SPOPL: variants seen among roughly 807,000 people sequenced by gnomAD.
The protein encoded by SPOPL is speckle type BTB/POZ protein like.
SPOPL carries 23 observed loss-of-function variants against 53.8 expected under a neutral mutation model. That is an observed-to-expected ratio of 0.43 (90% CI 0.31 to 0.61). The LOEUF (loss-of-function observed/expected upper bound fraction) is 0.61, where lower values mean the gene tolerates loss of function less well. Ranked by LOEUF, SPOPL falls within the 20% of genes least tolerant of loss-of-function variation. The pLI, the probability that SPOPL is intolerant of heterozygous loss-of-function variation, is 0.12. For synonymous variants in SPOPL, 164 were observed against 149.7 expected, an observed-to-expected ratio of 1.10 and a Z score of -0.70; for missense variants, 442 against 466.9, an observed-to-expected ratio of 0.95 and a Z score of 0.49.
intron 1 of SPOPL, among the ~76,000 whole-genome samples, chr2:138,505,621 AATAGT>A (rs1684200634): frequency 7.6e-6 from 1 of 131,262 alleles, no homozygotes; most frequent in Admixed American, 7.5e-5. Context: ...AAAAAAAAAA[AATAGT>A]TAGTTGGGTG....
chr2:138,563,912 A>G (rs1305425592), intron 8 of SPOPL, among the ~76,000 whole-genome samples: 1 of 152,232 alleles, frequency 6.6e-6, no homozygotes, highest in East Asian at 1.9e-4. Context: ...TTGTATATCT[A>G]TGTATGATGG....
Position 138,569,049 on chromosome 2 carries a change from G to A in SPOPL, c.1148G>A (p.Gly383Asp). Residue 383 changes from glycine to aspartate, a missense_variant, in exon 11 of 11, where the codon GGC becomes GAC. By Grantham distance (94) the Gly-to-Asp change is moderately conservative. Coordinates refer to ENST00000280098, the MANE Select transcript of SPOPL (RefSeq NM_001001664.3). ...ALASAQCPQF[G>D]IPRKRLKQS Reference sequence around the variant, plus strand: ...GCATCTGCACAGTGTCCACAGTTTGGCATTCCACGCAAACGGCTAAAACAG... The same window carrying A: ...GCATCTGCACAGTGTCCACAGTTTGACATTCCACGCAAACGGCTAAAACAG... 6.2e-7 allele frequency: 1 copy of A among 1,613,658 alleles called. No individual in the cohort carries two copies. The highest frequency in any genetic ancestry group is 8.5e-7 in the Non-Finnish European group (1 of 1,179,856).
chr2:138,552,542 G>GT lies in SPOPL; in HGVS notation c.353-8dup. The GT allele has an allele frequency of 6.2e-7, 1 of 1,601,120 alleles. No individual in the cohort carries two copies. Among genetic ancestry groups the GT allele is most frequent in the Admixed American group, 1.8e-5 (1 of 56,630 alleles). ...ATTTATTTTATTTAAACTCTATTCT[G>GT]TTTTCCACCAGAAAGCCAAAGAGCA... On this transcript the variant is annotated splice_polypyrimidine_tract_variant and intron_variant, in intron 4 of 10. Coordinates refer to ENST00000280098, the MANE Select transcript of SPOPL (RefSeq NM_001001664.3).
chr2:138,507,926 A>G (rs1684249220), intron 1 of SPOPL, among the ~76,000 whole-genome samples: 1 of 152,226 alleles, frequency 6.6e-6, no homozygotes, highest in African/African-American at 2.4e-5. Flanking sequence ...GATAGCATAA[A>G]TATTTTAGTT....
chr2:138,536,223 G>A (rs893232431), intron 1 of SPOPL, among the ~76,000 whole-genome samples: 1 of 151,990 alleles, frequency 6.6e-6, no homozygotes, highest in Non-Finnish European at 1.5e-5. Context: ...ATTCAAAGCT[G>A]GATATTTTAT....
rs2104910269 is a variant in SPOPL, at chr2:138,569,009, G to A, written c.1108G>A (p.Ala370Thr). 2 of 1,614,094 alleles carry A rather than the reference G, an allele frequency of 1.2e-6. No individual in the cohort carries two copies. The highest frequency in any genetic ancestry group is 2.2e-5 in the East Asian group (1 of 44,886). The change falls in exon 11 of 11, where the codon GCC becomes ACC. Residue 370 changes from alanine (A) to threonine (T), a missense_variant. Physicochemically the swap from Ala to Thr is moderately conservative, Grantham distance 58 (BLOSUM62 0). Coordinates refer to ENST00000280098, the MANE Select transcript of SPOPL (RefSeq NM_001001664.3). ...GTCTCACCCTCATTTAGTAGCAGAA[G>A]CCTTTCGAGCACTAGCATCTGCACA... ...IQSHPHLVAEAFRALASAQCP... is the reference protein window; with the variant it reads ...IQSHPHLVAETFRALASAQCP...
chr2:138,527,049 C>CT (rs1279305237), intron 1 of SPOPL, among the ~76,000 whole-genome samples: 1 of 151,430 alleles, frequency 6.6e-6, no homozygotes, highest in African/African-American at 2.4e-5. Flanking sequence ...CTAAGTTCAG[C>CT]TTTTTTTTTC....
At chr2:138,568,572 G>A (rs140996999) in intron 10 of SPOPL, among the ~76,000 whole-genome samples, 22 of 152,122 alleles carry the variant, frequency 1.4e-4, no homozygotes, top group Admixed American at 6.6e-4. Context: ...GCATGTTAAG[G>A]GGGGAGAGTA....
At chr2:138,512,321 G>A (rs946631313) in intron 1 of SPOPL, among the ~76,000 whole-genome samples, 3 of 152,094 alleles carry the variant, frequency 2.0e-5, no homozygotes, top group South Asian at 4.2e-4. Context: ...TTTCATCTCT[G>A]TTATGACATA....
At chr2:138,548,530 A>G (rs2104889822) in intron 1 of SPOPL, among the ~76,000 whole-genome samples, 1 of 151,820 alleles carries the variant, frequency 6.6e-6, no homozygotes, top group African/African-American at 2.4e-5. Flanking sequence ...CTCCTCTTAC[A>G]CTCTCACTCA....
chr2:138,544,123 T>G (rs907042126), intron 1 of SPOPL, among the ~76,000 whole-genome samples: 2 of 152,210 alleles, frequency 1.3e-5, no homozygotes, highest in South Asian at 4.1e-4. Flanking sequence ...CCCGGCCTTG[T>G]GAGGTGTCAG....
chr2:138,536,662 G>T (rs1441129197), intron 1 of SPOPL, among the ~76,000 whole-genome samples: 1 of 151,686 alleles, frequency 6.6e-6, no homozygotes, highest in African/African-American at 2.4e-5. Flanking sequence ...TTTTTTTTTG[G>T]GCAAATCAGC....
chr2:138,552,684 G>T lies in SPOPL; in HGVS notation c.480+3G>T. 6.2e-7 allele frequency: 1 copy of T among 1,609,544 alleles called. No individual in the cohort carries two copies. The highest frequency in any genetic ancestry group is 8.5e-7 in the Non-Finnish European group (1 of 1,178,202). ...ACAAGCTTACATTATTTTGTGAGGT[G>T]GGTACATCTTTTATTCTAAGAACCC... On this transcript the variant is annotated splice_donor_region_variant and intron_variant, in intron 5 of 10. Coordinates refer to ENST00000280098, the MANE Select transcript of SPOPL (RefSeq NM_001001664.3).
chr2:138,561,212 T>C (rs1389278500), intron 8 of SPOPL, among the ~76,000 whole-genome samples: 1 of 152,114 alleles, frequency 6.6e-6, no homozygotes. Flanking sequence ...ACACACACAG[T>C]GACATATATA....
chr2:138,545,796 C>A (rs1685182505), intron 1 of SPOPL, among the ~76,000 whole-genome samples: 1 of 152,182 alleles, frequency 6.6e-6, no homozygotes. Context: ...CTGACCATTT[C>A]ACCAGCTATT....
chr2:138,512,742 G>T (rs1426711663), intron 1 of SPOPL, among the ~76,000 whole-genome samples: 1 of 151,916 alleles, frequency 6.6e-6, no homozygotes. Context: ...TTGTTTGTTT[G>T]TTTGTTTATT....
chr2:138,559,548 T>TA (rs1490919917), intron 7 of SPOPL, among the ~76,000 whole-genome samples: 1 of 152,208 alleles, frequency 6.6e-6, no homozygotes, highest in Non-Finnish European at 1.5e-5. Flanking sequence ...AGCTATTTTT[T>TA]ATGCCCTTCT....
In SPOPL at chr2:138,534,297, A is replaced by G. The variant is rs568786277; in HGVS notation, c.-60-15860A>G. On this transcript the variant is annotated intron_variant, in intron 1 of 10. Coordinates refer to ENST00000280098, the MANE Select transcript of SPOPL (RefSeq NM_001001664.3). ...ATATGGGAAAAAAAATTAACAATACAACAATTTAAAAAATCTAATAAAACA... is the reference window on the plus strand; with the variant it reads ...ATATGGGAAAAAAAATTAACAATACGACAATTTAAAAAATCTAATAAAACA... 2.0e-5 allele frequency among the ~76,000 whole-genome samples: 3 copies of G among 152,328 alleles called. No individual in the cohort carries two copies. In the East Asian group the frequency reaches 5.8e-4, roughly 29 times the overall value.
chr2:138,541,099 G>A (rs1279220915), intron 1 of SPOPL, among the ~76,000 whole-genome samples: 1 of 152,152 alleles, frequency 6.6e-6, no homozygotes, highest in African/African-American at 2.4e-5. Flanking sequence ...AAGCCCACTT[G>A]TTCATCATGG....
Sources: allele counts gnomAD v4.1 joint callset (sites outside exome capture counted in the v4.1 genomes callset), GRCh38; gene constraint gnomAD v4.1.1; transcripts MANE v1.5; gene names NCBI Gene and HGNC (gene_info 2026-07-23, HGNC 2026-07-21).